The following MARCHF1 variants were observed in gnomAD, a reference collection of about 807,000 sequenced individuals.
MARCHF1 encodes membrane associated ring-CH-type finger 1.
MARCHF1 carries 40 observed loss-of-function variants against 54.2 expected under a neutral mutation model. The observed-to-expected ratio is 0.74, with a 90% CI of 0.57 to 0.96. The LOEUF (loss-of-function observed/expected upper bound fraction) is 0.96. MARCHF1 is among the 40% of genes least tolerant of loss of function. The pLI, the probability that MARCHF1 is intolerant of heterozygous loss-of-function variation, is 0.00. For missense variants in MARCHF1, 586 were observed against 656.5 expected, an observed-to-expected ratio of 0.89 and a Z score of 1.17; for synonymous variants, 236 against 236.3, an observed-to-expected ratio of 1.00 and a Z score of 0.01.
intron 2 of MARCHF1, among the ~76,000 whole-genome samples, chr4:164,019,414 C>T (rs1372802260): frequency 1.3e-5 from 2 of 152,074 alleles, no homozygotes; most frequent in South Asian, 2.1e-4. Context: ...CACCACAGCC[C>T]TAAATGATAC....
At chr4:164,100,648 T>C (rs1755524949) in intron 2 of MARCHF1, among the ~76,000 whole-genome samples, 1 of 152,232 alleles carries the variant, frequency 6.6e-6, no homozygotes, top group Admixed American at 6.5e-5. Context: ...GCCTTTCACA[T>C]TCTCATTAAA....
In MARCHF1 at chr4:163,932,806, T is replaced by C. The variant is rs1049823353; in HGVS notation, c.-39+55695A>G. The C allele has an allele frequency of 2.1e-5, 13 of 614,966 alleles. No individual in the cohort carries two copies. The Admixed American group carries it at 2.4e-4, about 11-fold the overall frequency. The allele number at this position is 614,966 out of a possible 1,614,324, so 38.1% of individuals were successfully genotyped here. A position where few individuals can be genotyped will look rare whatever the true frequency, so the allele number is the denominator to read the frequency against. ...GAGCTGAGATCGATCGGCACCATGG[T>C]CCTGGAATTGTTGGATAAATATTTA... On this transcript the variant is annotated intron_variant, in intron 3 of 9. Coordinates refer to ENST00000514618, the MANE Select transcript of MARCHF1 (RefSeq NM_001394959.1).
At chr4:163,671,444 T>C (rs1336143434) in intron 5 of MARCHF1, among the ~76,000 whole-genome samples, 3 of 152,188 alleles carry the variant, frequency 2.0e-5, no homozygotes, top group Non-Finnish European at 2.9e-5. Context: ...CAGAGTATAA[T>C]AGTTATCCGA....
At chr4:163,976,139 G>A (rs1752645797) in intron 3 of MARCHF1, among the ~76,000 whole-genome samples, 1 of 152,192 alleles carries the variant, frequency 6.6e-6, no homozygotes. Context: ...TTTCAGAATT[G>A]CTATGGACAT....
chr4:163,936,998 C>T (rs1383156088), intron 3 of MARCHF1, among the ~76,000 whole-genome samples: 2 of 152,150 alleles, frequency 1.3e-5, no homozygotes, highest in African/African-American at 4.8e-5. Flanking sequence ...AAATGTATAG[C>T]TGTATAAATG....
At chr4:163,796,676 C>T (rs553477212) in intron 4 of MARCHF1, among the ~76,000 whole-genome samples, 1 of 152,008 alleles carries the variant, frequency 6.6e-6, no homozygotes, top group Non-Finnish European at 1.5e-5. Context: ...TTGGACTTCT[C>T]CCCATCATTG....
chr4:163,921,856 T>G (rs1407056238), intron 3 of MARCHF1, among the ~76,000 whole-genome samples: 1 of 152,146 alleles, frequency 6.6e-6, no homozygotes, highest in South Asian at 2.1e-4. Context: ...TGTACCTCTA[T>G]ACAGTATTAA....
At chr4:164,002,226 G>A (rs753581116) in intron 2 of MARCHF1, among the ~76,000 whole-genome samples, 12 of 151,542 alleles carry the variant, frequency 7.9e-5, no homozygotes, top group Non-Finnish European at 1.6e-4. Context: ...AGAAGAAAAT[G>A]TAATTCTGAC....
At chr4:163,633,227 C>G (rs1001034028) in intron 5 of MARCHF1, among the ~76,000 whole-genome samples, 4 of 152,164 alleles carry the variant, frequency 2.6e-5, no homozygotes, top group Non-Finnish European at 5.9e-5. Flanking sequence ...TCACCAGCAA[C>G]GGAACAAAGC....
In MARCHF1 at chr4:163,537,632, T is replaced by G. The variant is rs180881417; in HGVS notation, c.1339+7964A>C. On this transcript the variant is annotated intron_variant, in intron 9 of 9. Transcript: ENST00000514618. ...TTTCTGTAGGTTTAATAATAAACTC[T>G]CTGCCCATCTTTACCTCTCAAGCAT... Among the ~76,000 whole-genome samples the G allele has an allele frequency of 5.8e-4, 89 of 152,328 alleles. 2 individuals carry two copies. Among genetic ancestry groups the G allele is most frequent in the African/African-American group, 1.8e-3 (76 of 41,570 alleles).
intron 3 of MARCHF1, among the ~76,000 whole-genome samples, chr4:163,884,499 A>G (rs968979052): frequency 6.6e-6 from 1 of 152,118 alleles, no homozygotes; most frequent in Non-Finnish European, 1.5e-5. Flanking sequence ...AAACAAAGGT[A>G]AAACAAGAAC....
chr4:164,195,978 C>A (rs2111064856), intron 1 of MARCHF1, among the ~76,000 whole-genome samples: 1 of 152,172 alleles, frequency 6.6e-6, no homozygotes, highest in Non-Finnish European at 1.5e-5. Context: ...GCAGAAAAAT[C>A]AACATAAATA....
intron 3 of MARCHF1, among the ~76,000 whole-genome samples, chr4:163,909,462 C>T (rs907721676): frequency 6.6e-6 from 1 of 152,080 alleles, no homozygotes; most frequent in African/African-American, 2.4e-5. Context: ...CCATGTAATG[C>T]TACAAAATAT....
chr4:164,210,736 AG>A (rs1468540123), intron 1 of MARCHF1, among the ~76,000 whole-genome samples: 1 of 152,134 alleles, frequency 6.6e-6, no homozygotes, highest in Non-Finnish European at 1.5e-5. Context: ...GAAAGGCAGG[AG>A]GAATCTGACT....
intron 9 of MARCHF1, chr4:163,530,559 A>G (rs1738311159): frequency 6.6e-6 from 1 of 151,796 alleles, no homozygotes; most frequent in Non-Finnish European, 1.5e-5. Flanking sequence ...ATTTTTGGGG[A>G]AAAAATGTTC....
intron 4 of MARCHF1, among the ~76,000 whole-genome samples, chr4:163,851,289 A>G (rs898769809): frequency 2.0e-5 from 3 of 152,200 alleles, no homozygotes; most frequent in African/African-American, 4.8e-5. Flanking sequence ...GTCAGAGCTT[A>G]TTCAAAGATC....
At chr4:164,238,961 A>C (rs1363109992) in intron 1 of MARCHF1, among the ~76,000 whole-genome samples, 1 of 152,048 alleles carries the variant, frequency 6.6e-6, no homozygotes, top group African/African-American at 2.4e-5. Context: ...ATTCTGTTTT[A>C]CTAGAGTTAG....
At chr4:163,675,466 G>C (rs1449540253) in intron 5 of MARCHF1, among the ~76,000 whole-genome samples, 1 of 152,216 alleles carries the variant, frequency 6.6e-6, no homozygotes, top group South Asian at 2.1e-4. Context: ...GGAGGAGAGA[G>C]AGAGTGAAAG....
At chr4:163,903,109 G>T (rs181910970) in intron 3 of MARCHF1, among the ~76,000 whole-genome samples, 7 of 151,820 alleles carry the variant, frequency 4.6e-5, no homozygotes, top group Non-Finnish European at 7.4e-5. Flanking sequence ...TCAGATTACC[G>T]TCAATACAGA....
Sources: allele counts gnomAD v4.1 joint callset (sites outside exome capture counted in the v4.1 genomes callset), GRCh38; gene constraint gnomAD v4.1.1; transcripts MANE v1.5; gene names NCBI Gene and HGNC (gene_info 2026-07-23, HGNC 2026-07-21).